GRIP2: variants seen among roughly 807,000 people sequenced by gnomAD.
GRIP2 encodes glutamate receptor-interacting protein 2.
In GRIP2, 58 loss-of-function variants were observed where a neutral mutation model predicts 108.3. The ratio of observed to expected loss-of-function variants is 0.54; its 90% CI spans 0.43 to 0.67. The LOEUF (loss-of-function observed/expected upper bound fraction) is 0.67, where lower values mean the gene tolerates loss of function less well. Among genes scored for constraint, GRIP2 ranks in the 30% least tolerant of loss-of-function variants. The pLI, the probability that GRIP2 is intolerant of heterozygous loss-of-function variation, is 0.00. For missense variants in GRIP2, 1,278 were observed against 1,430.6 expected (o/e 0.89, Z 1.72); for synonymous variants, 586 against 598.2 (o/e 0.98, Z 0.30).
At chr3:14,561,570 G>T in the GRIP2 span, among the ~76,000 whole-genome samples, 2 of 152,208 alleles carry the variant, frequency 1.3e-5, no homozygotes, top group Admixed American at 1.3e-4. Flanking sequence ...GAAGGGAAAA[G>T]ATCACAGAGG....
At chr3:14,602,630 G>C in the GRIP2 span, among the ~76,000 whole-genome samples, 1 of 151,506 alleles carries the variant, frequency 6.6e-6, no homozygotes, top group Non-Finnish European at 1.5e-5. The surrounding 1 kb of genome is among the most constrained non-coding windows in gnomAD (Gnocchi z 4.7). Context: ...CAGACCCTTC[G>C]CTCCAGCCCC....
the GRIP2 span, among the ~76,000 whole-genome samples, chr3:14,580,726 A>C: frequency 1.3e-5 from 2 of 152,046 alleles, no homozygotes; most frequent in Non-Finnish European, 2.9e-5. Context: ...CAAACAAAAA[A>C]CCCAAAAACC....
upstream of GRIP2, chr3:14,542,155 TTTTTTTA>T: frequency 1.0e-6 from 1 of 998,184 alleles, no homozygotes; most frequent in Non-Finnish European, 1.3e-6. Context: ...TATTTTTTAT[TTTTTTTA>T]TTTTTTTTTG....
Position 14,521,867 on chromosome 3 carries a change from G to T in GRIP2, c.567-80C>A. Reference sequence around the variant, plus strand: ...TGTCTGGGAGGGCGCTGGGAAGCGGGACATGGAGGATGAAGAAGCAGGGAA... The same window carrying T: ...TGTCTGGGAGGGCGCTGGGAAGCGGTACATGGAGGATGAAGAAGCAGGGAA... On this transcript the variant is annotated intron_variant, in intron 6 of 23. Coordinates refer to ENST00000621039, the MANE Select transcript of GRIP2 (RefSeq NM_001080423.4). The surrounding 1 kb of genome is among the most constrained non-coding windows in gnomAD (Gnocchi z 5.1). 2.3e-6 allele frequency: 3 copies of T among 1,313,528 alleles called. No individual in the cohort carries two copies. The highest frequency in any genetic ancestry group is 2.0e-6 in the Non-Finnish European group (2 of 990,880). The allele number at this position is 1,313,528 out of a possible 1,614,324, so 81.4% of individuals were successfully genotyped here. A position where few individuals can be genotyped will look rare whatever the true frequency, so the allele number is the denominator to read the frequency against.
Position 14,506,809 on chromosome 3 carries a change from C to T in GRIP2, c.2390G>A (p.Gly797Glu), listed in dbSNP as rs1275220405. The T allele has an allele frequency of 1.9e-6, 3 of 1,597,168 alleles. No homozygotes were observed. Among genetic ancestry groups the T allele is most frequent in the Non-Finnish European group, 2.6e-6 (3 of 1,172,006 alleles). The change falls in exon 19 of 24, where the codon GGG becomes GAG. Residue 797 changes from glycine to glutamate, a missense_variant. Physicochemically the swap from Gly to Glu is moderately conservative, Grantham distance 98. Coordinates refer to ENST00000621039, the MANE Select transcript of GRIP2 (RefSeq NM_001080423.4). ...GGGCCCCAAGGTATTACCTGGGCCC[C>T]CAAAGCCACCCTCGGTGGCCGAGCT... ...WDSSATEGGF[G>E]GPGSYTPQAA...
chr3:14,577,396 GA>G, the GRIP2 span, among the ~76,000 whole-genome samples: 1 of 152,202 alleles, frequency 6.6e-6, no homozygotes, highest in Non-Finnish European at 1.5e-5. Context: ...GCAGAGACAG[GA>G]AGACACAGAG....
intron 20 of GRIP2, among the ~76,000 whole-genome samples, chr3:14,504,115 A>G (rs997094038): frequency 2.6e-5 from 4 of 152,120 alleles, no homozygotes; most frequent in African/African-American, 9.7e-5. Context: ...GGAGAGGATG[A>G]AATAACTGTG....
the GRIP2 span, among the ~76,000 whole-genome samples, chr3:14,597,076 C>T: frequency 6.6e-6 from 1 of 152,146 alleles, no homozygotes; most frequent in South Asian, 2.1e-4. Context: ...AGTTACTGAA[C>T]CAGTGGAAGA....
At chr3:14,549,119 T>TA (rs2124975750) in intron 1 of GRIP2, among the ~76,000 whole-genome samples, 1 of 152,322 alleles carries the variant, frequency 6.6e-6, no homozygotes, top group East Asian at 1.9e-4. Context: ...GTGCACACAG[T>TA]AAGTGCTACA....
In GRIP2 at chr3:14,511,629, C is replaced by T. The variant is rs1575002747; in HGVS notation, c.1721-150G>A. Reference sequence around the variant, plus strand: ...CCTGGCTGGGTGACCGTGAGCAAATCAGCTCACCTCCCTGTGCATCAGTTT... The same window carrying T: ...CCTGGCTGGGTGACCGTGAGCAAATTAGCTCACCTCCCTGTGCATCAGTTT... On this transcript the variant is annotated intron_variant, in intron 14 of 23. Transcript: ENST00000621039. This position sits in a 1 kb window ranked among gnomAD's most constrained non-coding sequence, Gnocchi z 4.1. The T allele has an allele frequency of 1.4e-6, 1 of 713,640 alleles. No homozygotes were observed. The highest frequency in any genetic ancestry group is 2.4e-6 in the Non-Finnish European group (1 of 416,594). 44.2% of individuals were successfully genotyped at this position (713,640 alleles called of 1,614,324 possible). A position where few individuals can be genotyped will look rare whatever the true frequency, so the allele number is the denominator to read the frequency against.
intron 5 of GRIP2, 56 bp downstream of exon 5, chr3:14,523,556 A>G: frequency 1.8e-6 from 2 of 1,086,484 alleles, no homozygotes; most frequent in Non-Finnish European, 2.8e-6. Context: ...CACACATGGA[A>G]TTAGTATTAG....
Position 14,507,809 on chromosome 3 carries a change from C to A in GRIP2, c.2079-109G>T, listed in dbSNP as rs2124874717. 1 of 1,318,556 alleles carries A rather than the reference C, an allele frequency of 7.6e-7. No homozygotes were observed. Among genetic ancestry groups the A allele is most frequent in the Non-Finnish European group, 1.1e-6 (1 of 947,516 alleles). 81.7% of individuals were successfully genotyped at this position (1,318,556 alleles called of 1,614,324 possible). On this transcript the variant is annotated intron_variant, in intron 17 of 23. Transcript: ENST00000621039. The surrounding 1 kb of genome is among the most constrained non-coding windows in gnomAD (Gnocchi z 4.6). ...AGCCACAAAGCAGAAGTCTGGCTGA[C>A]CCCAGTTAAACCCAGCTGCCAAAAA...
At chr3:14,558,315 C>T (rs1695267081), upstream of GRIP2, among the ~76,000 whole-genome samples, 1 of 152,226 alleles carries the variant, frequency 6.6e-6, no homozygotes, top group Admixed American at 6.5e-5. Flanking sequence ...TATTGTGGGC[C>T]AGGCTGTGGG....
the GRIP2 span, among the ~76,000 whole-genome samples, chr3:14,579,108 T>C: frequency 1.3e-5 from 2 of 152,144 alleles, no homozygotes; most frequent in Non-Finnish European, 2.9e-5. Context: ...CTGAGGTACA[T>C]CCACTCCCCG....
chr3:14,569,302 G>A, the GRIP2 span, among the ~76,000 whole-genome samples: 2 of 152,310 alleles, frequency 1.3e-5, no homozygotes, highest in East Asian at 1.9e-4. Flanking sequence ...CTTAGAATCG[G>A]GCTGTGTCAG....
At chr3:14,597,839 G>C in the GRIP2 span, among the ~76,000 whole-genome samples, 2 of 152,162 alleles carry the variant, frequency 1.3e-5, no homozygotes, top group Non-Finnish European at 2.9e-5. Flanking sequence ...CCATGGCATG[G>C]GAAATGACTT....
intron 1 of GRIP2, among the ~76,000 whole-genome samples, chr3:14,555,257 C>T (rs985707538): frequency 1.1e-4 from 17 of 152,078 alleles, no homozygotes; most frequent in African/African-American, 3.9e-4. Context: ...TACAGCCCCT[C>T]GCTCCCTCCC....
intron 1 of GRIP2, among the ~76,000 whole-genome samples, chr3:14,555,237 A>G (rs2124985354): frequency 6.6e-6 from 1 of 151,120 alleles, no homozygotes; most frequent in East Asian, 2.0e-4. Context: ...CCCTGTCCCA[A>G]CTCCCCACGT....
chr3:14,573,055 G>A, the GRIP2 span: 63 of 1,381,006 alleles, frequency 4.6e-5, no homozygotes, highest in Middle Eastern at 1.8e-4. Flanking sequence ...CTGATGTAGC[G>A]CTAGAAGGCG....
Sources: gnomAD v4.1 joint callset for allele counts (sites outside exome capture counted in the v4.1 genomes callset) on GRCh38, gnomAD v4.1.1 for gene constraint, Gnocchi (gnomAD v3.1) non-coding constraint, MANE v1.5 for transcripts, NCBI Gene and HGNC (gene_info 2026-07-23, HGNC 2026-07-21) for gene names.